Variants in EPB41L4A observed in about 807,000 individuals in gnomAD.
EPB41L4A encodes the protein band 4.1-like protein 4A.
In EPB41L4A, 100 loss-of-function variants were observed where a neutral mutation model predicts 108.6. The ratio of observed to expected loss-of-function variants is 0.92; its 90% CI spans 0.78 to 1.09. EPB41L4A has a LOEUF of 1.09. Among genes scored for constraint, EPB41L4A ranks in the 50% least tolerant of loss-of-function variants. The pLI is 0.00. For synonymous variants in EPB41L4A, 319 were observed against 289.0 expected (o/e 1.10, Z -1.05); for missense variants, 1,030 against 842.7 (o/e 1.22, Z -2.75).
Position 112,371,198 on chromosome 5 carries a change from C to A in EPB41L4A, c.99+47743G>T, listed in dbSNP as rs148536118. On this transcript the variant is annotated intron_variant, in intron 1 of 22. Transcript: ENST00000261486. ...ATTTCAGAACTTATCAACGCCCTAG[C>A]AGCTGTTAGCTAGCATTTCTACTAC... Among the ~76,000 whole-genome samples, 28 of 152,350 alleles carry A rather than the reference C, an allele frequency of 1.8e-4. No individual in the cohort carries two copies. The East Asian group carries it at 3.1e-3, about 17-fold the overall frequency.
At chr5:112,387,079 C>T (rs948982934) in intron 1 of EPB41L4A, among the ~76,000 whole-genome samples, 2 of 152,194 alleles carry the variant, frequency 1.3e-5, no homozygotes, top group Non-Finnish European at 2.9e-5. Context: ...TGGGGGCCTG[C>T]ACACTCCCCG....
chr5:112,236,494 A>G (rs1749340838), intron 11 of EPB41L4A, among the ~76,000 whole-genome samples: 1 of 152,182 alleles, frequency 6.6e-6, no homozygotes. Flanking sequence ...TGTTCTTACA[A>G]TTTCCTGGCA....
chr5:112,248,424 A>C (rs1364699280), intron 9 of EPB41L4A, among the ~76,000 whole-genome samples: 3 of 152,202 alleles, frequency 2.0e-5, no homozygotes, highest in Non-Finnish European at 4.4e-5. Context: ...TGCTTTTTGT[A>C]AAATTACTCA....
At chr5:112,400,892 T>G (rs571257927) in intron 1 of EPB41L4A, among the ~76,000 whole-genome samples, 110 of 152,322 alleles carry the variant, frequency 7.2e-4, no homozygotes, top group Non-Finnish European at 1.5e-3. Context: ...GTGCAAGTAC[T>G]GTTAAAACTT....
At chr5:112,269,332 C>A (rs899456585) in intron 4 of EPB41L4A, among the ~76,000 whole-genome samples, 1 of 151,780 alleles carries the variant, frequency 6.6e-6, no homozygotes, top group African/African-American at 2.4e-5. Flanking sequence ...TTATAGCAAG[C>A]ATCTTAGTAG....
intron 9 of EPB41L4A, among the ~76,000 whole-genome samples, chr5:112,242,582 C>A (rs935180435): frequency 6.6e-6 from 1 of 152,194 alleles, no homozygotes; most frequent in Non-Finnish European, 1.5e-5. Context: ...ATAATTTGAC[C>A]TCCTGCCATA....
chr5:112,369,799 T>C (rs1759370028), intron 1 of EPB41L4A, among the ~76,000 whole-genome samples: 1 of 152,150 alleles, frequency 6.6e-6, no homozygotes, highest in African/African-American at 2.4e-5. Context: ...TTGGCACTAC[T>C]TCAGACTGGA....
chr5:112,172,511 CAA>C (rs144426305), intron 18 of EPB41L4A, among the ~76,000 whole-genome samples: 94 of 99,368 alleles, frequency 9.5e-4, no homozygotes, highest in Non-Finnish European at 8.4e-4. Context: ...GACCCTGTGC[CAA>C]AAAAAAAAAA....
chr5:112,209,470 T>A lies in EPB41L4A; in HGVS notation c.1178+422A>T, dbSNP rs1276206853. On this transcript the variant is annotated intron_variant, in intron 13 of 22. Coordinates refer to ENST00000261486, the MANE Select transcript of EPB41L4A (RefSeq NM_022140.5). ...CTGACTTCTGAGGATCTGATGCCTC[T>A]AAATGCCATAAACCCTCTTTCCAGG... Among the ~76,000 whole-genome samples, 5 of 152,252 alleles carry A rather than the reference T, an allele frequency of 3.3e-5. No individual in the cohort carries two copies. The East Asian group carries it at 9.6e-4, about 29-fold the overall frequency.
intron 1 of EPB41L4A, among the ~76,000 whole-genome samples, chr5:112,350,167 G>T (rs1757953180): frequency 6.6e-6 from 1 of 152,108 alleles, no homozygotes; most frequent in South Asian, 2.1e-4. Context: ...TAATTCATTT[G>T]TTTAAATACG....
intron 15 of EPB41L4A, among the ~76,000 whole-genome samples, chr5:112,203,896 G>A (rs1199909667): frequency 1.3e-5 from 2 of 151,908 alleles, no homozygotes; most frequent in Admixed American, 6.6e-5. Flanking sequence ...AAAATCAGCC[G>A]GGCGTGGCAG....
chr5:112,206,608 G>C (rs1263863476), intron 13 of EPB41L4A, among the ~76,000 whole-genome samples: 2 of 152,118 alleles, frequency 1.3e-5, no homozygotes, highest in Non-Finnish European at 2.9e-5. Context: ...AAGTGTATGG[G>C]ATCAATAAAT....
rs751296390 is a variant in EPB41L4A at position 112,280,336 on chromosome 5, G to C, written c.205-13C>G. The C allele has an allele frequency of 6.2e-7, 1 of 1,612,684 alleles. No individual in the cohort carries two copies. The highest frequency in any genetic ancestry group is 1.3e-5 in the African/African-American group (1 of 74,892). On this transcript the variant is annotated splice_polypyrimidine_tract_variant and intron_variant, in intron 2 of 22. Transcript: ENST00000261486. ...GATCCAGCCAATACTGTGTGAGGAA[G>C]AAAAGGACAATTAAAGAAATTAGTT...
At chr5:112,352,100 T>C (rs1350764140) in intron 1 of EPB41L4A, among the ~76,000 whole-genome samples, 1 of 152,226 alleles carries the variant, frequency 6.6e-6, no homozygotes, top group Non-Finnish European at 1.5e-5. Context: ...CTCATTTCAT[T>C]GGTCCTTGTA....
At chr5:112,236,584 G>A (rs972754888) in intron 11 of EPB41L4A, among the ~76,000 whole-genome samples, 9 of 152,184 alleles carry the variant, frequency 5.9e-5, no homozygotes, top group African/African-American at 1.7e-4. Context: ...GTAAGGTGAT[G>A]AAAGTCCCTG....
At chr5:112,286,253 T>C (rs1216577031) in intron 2 of EPB41L4A, among the ~76,000 whole-genome samples, 2 of 151,708 alleles carry the variant, frequency 1.3e-5, no homozygotes, top group African/African-American at 4.8e-5. Flanking sequence ...CCATAATATC[T>C]ACAGGAAAAA....
At chr5:112,188,832 A>T (rs920863830) in intron 17 of EPB41L4A, among the ~76,000 whole-genome samples, 2 of 152,118 alleles carry the variant, frequency 1.3e-5, no homozygotes, top group Non-Finnish European at 2.9e-5. Flanking sequence ...CATCCCAAAT[A>T]TATTTTTTCC....
At chr5:112,288,545 T>G (rs891853370) in intron 2 of EPB41L4A, among the ~76,000 whole-genome samples, 1 of 152,180 alleles carries the variant, frequency 6.6e-6, no homozygotes, top group East Asian at 1.9e-4. Context: ...TCCTAGGCAA[T>G]AGGACCAAGT....
Position 112,164,876 on chromosome 5 carries a change from GCTGAAGAAATACTTGCAGGT to G in EPB41L4A, c.*94_*113del. 2 of 1,069,100 alleles carry G rather than the reference GCTGAAGAAATACTTGCAGGT, an allele frequency of 1.9e-6. No homozygotes were observed. Among genetic ancestry groups the G allele is most frequent in the South Asian group, 4.3e-5 (2 of 46,158 alleles). The allele number at this position is 1,069,100 out of a possible 1,614,324, so 66.2% of individuals were successfully genotyped here. On this transcript the variant is annotated 3_prime_UTR_variant, in exon 23 of 23. Coordinates refer to ENST00000261486, the MANE Select transcript of EPB41L4A (RefSeq NM_022140.5). Reference sequence around the variant, plus strand: ...AGCAAAAGATAATGTATTTTCTCATGCTGAAGAAATACTTGCAGGTCTGAGATTTGAATTAAGATACCTAT... The same window carrying G: ...AGCAAAAGATAATGTATTTTCTCATGCTGAGATTTGAATTAAGATACCTAT...
Sources: gnomAD v4.1 joint callset for allele counts (sites outside exome capture counted in the v4.1 genomes callset) on GRCh38, gnomAD v4.1.1 for gene constraint, MANE v1.5 for transcripts, NCBI Gene and HGNC (gene_info 2026-07-23, HGNC 2026-07-21) for gene names.